The following UACA variants were observed in gnomAD, a reference collection of about 807,000 sequenced individuals.
UACA encodes nuclear membrane binding protein.
In UACA, 112 loss-of-function variants were observed where a neutral mutation model predicts 160.5. The observed-to-expected ratio is 0.70, with a 90% confidence interval of 0.60 to 0.82. The LOEUF (loss-of-function observed/expected upper bound fraction) is 0.82, where lower values mean the gene tolerates loss of function less well. Among genes scored for constraint, UACA ranks in the 40% least tolerant of loss-of-function variants. The pLI is 0.00. For missense variants in UACA, 1,574 were observed against 1,614.6 expected, an observed-to-expected ratio of 0.97 and a Z score of 0.43; for synonymous variants, 557 against 568.4, an observed-to-expected ratio of 0.98 and a Z score of 0.29.
chr15:70,757,506 T>C (rs1404730747), intron 1 of UACA, among the ~76,000 whole-genome samples: 1 of 152,154 alleles, frequency 6.6e-6, no homozygotes, highest in Non-Finnish European at 1.5e-5. Context: ...GATATACTAA[T>C]TACATCATCC....
chr15:70,705,420 C>T (rs1898496703), intron 1 of UACA, among the ~76,000 whole-genome samples: 1 of 152,014 alleles, frequency 6.6e-6, no homozygotes, highest in Non-Finnish European at 1.5e-5. Context: ...CCTGTAATCC[C>T]AGCTACTCCA....
intron 5 of UACA, among the ~76,000 whole-genome samples, chr15:70,688,613 G>A (rs904813961): frequency 1.3e-5 from 2 of 152,008 alleles, no homozygotes; most frequent in Admixed American, 6.6e-5. Flanking sequence ...AAGATAAACT[G>A]AACCTGAAAA....
chr15:70,703,973 C>T (rs569082675), intron 1 of UACA, among the ~76,000 whole-genome samples: 1 of 152,184 alleles, frequency 6.6e-6, no homozygotes, highest in African/African-American at 2.4e-5. Context: ...CTCTACCCCA[C>T]CACTCTTTAT....
chr15:70,758,068 A>G (rs985542349), intron 1 of UACA, among the ~76,000 whole-genome samples: 8 of 152,246 alleles, frequency 5.3e-5, no homozygotes, highest in African/African-American at 1.9e-4. Flanking sequence ...ATGATGTACC[A>G]TAAGTATATA....
intron 1 of UACA, among the ~76,000 whole-genome samples, chr15:70,740,104 T>C (rs1456676094): frequency 1.3e-5 from 2 of 152,204 alleles, no homozygotes; most frequent in African/African-American, 2.4e-5. Context: ...CAAGAAATAT[T>C]TGTTAATCTA....
rs148128872 is a variant in UACA, at chr15:70,687,775, C to G, written c.470G>C (p.Gly157Ala). Residue 157 changes from glycine (G) to alanine (A), a missense_variant, in exon 6 of 19, where the codon GGG becomes GCG. By Grantham distance (60) the Gly-to-Ala change is moderately conservative. Transcript: ENST00000322954. ...TACATCTTTGGCATTCACAGAGGCC[C>G]CATGGTCACAAAGCAGCTGTATGCT... Reference protein sequence around the residue: ...PSSIQLLCDHGASVNAKDVDG... With the variant: ...PSSIQLLCDHAASVNAKDVDG... 1 of 1,613,620 alleles carries G rather than the reference C, an allele frequency of 6.2e-7. No individual in the cohort carries two copies.
chr15:70,700,318 T>TATATATATATATATATATATAC (rs565377949), intron 1 of UACA, among the ~76,000 whole-genome samples: 5 of 139,760 alleles, frequency 3.6e-5, no homozygotes, highest in African/African-American at 1.5e-4. Flanking sequence ...TATATATATA[T>TATATATATATATATATATATAC]ACACACACAC....
intron 18 of UACA, among the ~76,000 whole-genome samples, chr15:70,657,697 G>A (rs1210666391): frequency 6.6e-6 from 1 of 152,160 alleles, no homozygotes; most frequent in Non-Finnish European, 1.5e-5. Flanking sequence ...AGCCTTGGAT[G>A]ATAGGGGCAG....
chr15:70,728,124 G>A (rs930382683), intron 1 of UACA, among the ~76,000 whole-genome samples: 12 of 152,050 alleles, frequency 7.9e-5, no homozygotes, highest in African/African-American at 2.2e-4. Context: ...TAAGCAACAG[G>A]GAAAGGACTT....
chr15:70,707,435 T>C (rs1898553015), intron 1 of UACA, among the ~76,000 whole-genome samples: 1 of 152,118 alleles, frequency 6.6e-6, no homozygotes, highest in Admixed American at 6.5e-5. Context: ...AATGAAACTA[T>C]ATCAAACTTC....
intron 1 of UACA, among the ~76,000 whole-genome samples, chr15:70,759,512 G>T (rs186811309): frequency 6.6e-6 from 1 of 152,122 alleles, no homozygotes; most frequent in Non-Finnish European, 1.5e-5. Context: ...AAAATGAGCC[G>T]GGCATGGTGG....
Position 70,660,045 on chromosome 15 carries a change from G to T in UACA, c.4179+106C>A, listed in dbSNP as rs953734110. ...TAATTATTTTTAAATAAGCATAGGG[G>T]GTGCAGCTACTTTAAACATCAATTA... On this transcript the variant is annotated intron_variant, in intron 18 of 18. Coordinates refer to ENST00000322954, the MANE Select transcript of UACA (RefSeq NM_018003.4). 6 of 819,092 alleles carry T rather than the reference G, an allele frequency of 7.3e-6. No individual in the cohort carries two copies. In the Admixed American group the frequency reaches 7.9e-5, roughly 11 times the overall value. The allele number at this position is 819,092 out of a possible 1,614,324, so 50.7% of individuals were successfully genotyped here. A position where few individuals can be genotyped will look rare whatever the true frequency, so the allele number is the denominator to read the frequency against.
chr15:70,714,824 G>C (rs1314558910), intron 1 of UACA, among the ~76,000 whole-genome samples: 1 of 152,162 alleles, frequency 6.6e-6, no homozygotes, highest in Non-Finnish European at 1.5e-5. Context: ...TATTAGAACT[G>C]TCTGGGCACT....
chr15:70,703,122 T>C lies in UACA; in HGVS notation c.79-3462A>G, dbSNP rs1192416759. 3 of 1,289,134 alleles carry C rather than the reference T, an allele frequency of 2.3e-6. 1 individual carries two copies. Among genetic ancestry groups the C allele is most frequent in the Non-Finnish European group, 1.0e-6 (1 of 988,660 alleles). 79.9% of individuals were successfully genotyped at this position (1,289,134 alleles called of 1,614,324 possible). A position where few individuals can be genotyped will look rare whatever the true frequency, so the allele number is the denominator to read the frequency against. On this transcript the variant is annotated intron_variant, in intron 1 of 18. Coordinates refer to ENST00000322954, the MANE Select transcript of UACA (RefSeq NM_018003.4). ...CATTCTCTACGATAGCATACTTGTATCAACATTTCTTACATTACCAAGGCC... is the reference window on the plus strand; with the variant it reads ...CATTCTCTACGATAGCATACTTGTACCAACATTTCTTACATTACCAAGGCC...
intron 9 of UACA, among the ~76,000 whole-genome samples, chr15:70,680,866 G>A (rs1253864627): frequency 4.6e-5 from 7 of 152,186 alleles, no homozygotes; most frequent in East Asian, 1.9e-4. Flanking sequence ...CCTGCCTTCC[G>A]CCATCTGGTA....
At chr15:70,676,333 AC>A (rs1395899295) in intron 13 of UACA, 159 bp downstream of exon 13, 4 of 532,442 alleles carry the variant, frequency 7.5e-6, no homozygotes, top group African/African-American at 1.9e-5. Context: ...AGAGACAATC[AC>A]CCCAGTTTTG....
intron 1 of UACA, chr15:70,749,141 T>G (rs562058238): frequency 2.5e-4 from 98 of 393,242 alleles, no homozygotes; most frequent in East Asian, 2.4e-3. Context: ...AAATGTTAAC[T>G]TTCGGATCTA....
rs1049036897 is a variant in UACA at position 70,666,750 on chromosome 15, T to C, written c.3934A>G (p.Lys1312Glu). 3.7e-6 allele frequency: 6 copies of C among 1,607,454 alleles called. No individual in the cohort carries two copies. Among genetic ancestry groups the C allele is most frequent in the Non-Finnish European group, 3.4e-6 (4 of 1,178,394 alleles). ...ELQRRIQESA[K>E]QIEAKDNKIT... Reference sequence around the variant, plus strand: ...TTATTATCTTTTGCTTCTATTTGTTTAGCAGATTCTTGTATTCTTCTTTGT... The same window carrying C: ...TTATTATCTTTTGCTTCTATTTGTTCAGCAGATTCTTGTATTCTTCTTTGT... Residue 1312 changes from lysine to glutamate, a missense_variant, in exon 16 of 19, where the codon AAA becomes GAA. By Grantham distance (56) the Lys-to-Glu change is moderately conservative. Transcript: ENST00000322954.
At chr15:70,735,331 C>T (rs964358788) in intron 1 of UACA, among the ~76,000 whole-genome samples, 12 of 151,534 alleles carry the variant, frequency 7.9e-5, no homozygotes, top group African/African-American at 2.7e-4. Flanking sequence ...TGCATATGTA[C>T]CCCTGAATCT....
Sources: allele counts gnomAD v4.1 joint callset (sites outside exome capture counted in the v4.1 genomes callset), GRCh38; gene constraint gnomAD v4.1.1; transcripts MANE v1.5; gene names NCBI Gene and HGNC (gene_info 2026-07-23, HGNC 2026-07-21).